Variants in SORCS1 observed in about 807,000 individuals in gnomAD.
SORCS1 encodes VPS10 domain-containing receptor SorCS1.
SORCS1 carries 60 observed loss-of-function variants against 146.1 expected under a neutral mutation model. That is an observed-to-expected ratio of 0.41 (90% confidence interval 0.33 to 0.51). The LOEUF (loss-of-function observed/expected upper bound fraction) is 0.51, where lower values mean the gene tolerates loss of function less well. Among genes scored for constraint, SORCS1 ranks in the 20% least tolerant of loss-of-function variants. The pLI, the probability that SORCS1 is intolerant of heterozygous loss-of-function variation, is 0.21. For missense variants in SORCS1, 1,352 were observed against 1,487.6 expected (o/e 0.91, Z 1.50); for synonymous variants, 637 against 584.0 (o/e 1.09, Z -1.31).
intron 6 of SORCS1, among the ~76,000 whole-genome samples, chr10:106,725,990 C>T (rs1331713324): frequency 4.0e-5 from 6 of 151,310 alleles, no homozygotes; most frequent in Admixed American, 2.0e-4. Context: ...ATATGAAATT[C>T]GTAGTGCAGC....
intron 1 of SORCS1, among the ~76,000 whole-genome samples, chr10:107,086,483 T>C (rs1211368196): frequency 6.6e-6 from 1 of 152,254 alleles, no homozygotes; most frequent in Non-Finnish European, 1.5e-5. Context: ...ATAAATAATA[T>C]GGCATGTTGG....
At chr10:106,770,330 T>C (rs1415458569) in intron 4 of SORCS1, among the ~76,000 whole-genome samples, 1 of 152,152 alleles carries the variant, frequency 6.6e-6, no homozygotes, top group Admixed American at 6.5e-5. Flanking sequence ...CTTGGACTCA[T>C]AGAGCTCCAA....
intron 1 of SORCS1, among the ~76,000 whole-genome samples, chr10:107,003,042 G>A (rs59102965): frequency 0.049 from 7,411 of 152,142 alleles, 591 homozygotes; most frequent in African/African-American, 0.16. Context: ...GATCACCTGC[G>A]GTCAGGAGGT....
intron 3 of SORCS1, among the ~76,000 whole-genome samples, chr10:106,819,495 C>T (rs144451598): frequency 1.3e-3 from 201 of 152,228 alleles, no homozygotes; most frequent in African/African-American, 4.6e-3. Flanking sequence ...AGTTGGTATA[C>T]GTGACGAGTG....
intron 2 of SORCS1, among the ~76,000 whole-genome samples, chr10:106,882,997 C>T (rs1051697622): frequency 2.0e-5 from 3 of 152,148 alleles, no homozygotes; most frequent in South Asian, 2.1e-4. Flanking sequence ...TATAACATTT[C>T]GACTACAAAA....
chr10:106,821,059 G>T (rs1284752996), intron 3 of SORCS1, among the ~76,000 whole-genome samples: 1 of 152,182 alleles, frequency 6.6e-6, no homozygotes, highest in Non-Finnish European at 1.5e-5. Context: ...TGTTCTCAAA[G>T]AAGATTGCGC....
intron 1 of SORCS1, among the ~76,000 whole-genome samples, chr10:107,078,051 TAGGTGAGTAAAG>T (rs1408304722): frequency 9.9e-5 from 15 of 152,160 alleles, no homozygotes; most frequent in African/African-American, 3.1e-4. Flanking sequence ...TATAAAGTGT[TAGGTGAGTAAAG>T]AGAAATTAGA....
intron 1 of SORCS1, among the ~76,000 whole-genome samples, chr10:107,072,092 C>T (rs911850165): frequency 2.0e-5 from 3 of 152,202 alleles, no homozygotes; most frequent in Non-Finnish European, 4.4e-5. Context: ...AGAACTCCTG[C>T]TGCCCAAGTG....
chr10:106,656,765 C>A (rs975840219), intron 17 of SORCS1, among the ~76,000 whole-genome samples: 1 of 151,714 alleles, frequency 6.6e-6, no homozygotes. Context: ...ATCTCAACCC[C>A]GTCTACCCTT....
intron 3 of SORCS1, among the ~76,000 whole-genome samples, chr10:106,807,332 GA>G (rs1337362131): frequency 6.6e-6 from 1 of 152,074 alleles, no homozygotes; most frequent in Non-Finnish European, 1.5e-5. Flanking sequence ...TGTCTTTTTT[GA>G]AACTTGAAAC....
At chr10:106,958,431 C>T (rs1357950805) in intron 1 of SORCS1, among the ~76,000 whole-genome samples, 1 of 152,174 alleles carries the variant, frequency 6.6e-6, no homozygotes, top group Non-Finnish European at 1.5e-5. Context: ...AATGCTGAGT[C>T]CAAGTTCCAC....
rs540071382 is a variant in SORCS1, at chr10:107,138,543, G to C, written c.558+25426C>G. Among the ~76,000 whole-genome samples, 11 of 152,138 alleles carry C rather than the reference G, an allele frequency of 7.2e-5. No individual in the cohort carries two copies. The East Asian group carries it at 2.1e-3, about 29-fold the overall frequency. ...CTCATCAATCTTTTACCCATTCTTC[G>C]TCTAAGATAGGCAGACAGAGACATC... On this transcript the variant is annotated intron_variant, in intron 1 of 25. Coordinates refer to ENST00000263054, the MANE Select transcript of SORCS1 (RefSeq NM_052918.5).
intron 1 of SORCS1, among the ~76,000 whole-genome samples, chr10:107,037,854 A>G (rs914142894): frequency 6.6e-6 from 1 of 151,978 alleles, no homozygotes; most frequent in Non-Finnish European, 1.5e-5. Context: ...TGAAACTAGG[A>G]CTCACTCTGT....
chr10:107,003,593 A>G (rs967353297), intron 1 of SORCS1, among the ~76,000 whole-genome samples: 4 of 152,144 alleles, frequency 2.6e-5, no homozygotes, highest in African/African-American at 9.7e-5. Context: ...TTTCAGATCT[A>G]AAAATCTAGC....
chr10:106,862,753 GGC>G lies in SORCS1; in HGVS notation c.627-33082_627-33081del, dbSNP rs1950066170. On this transcript the variant is annotated intron_variant, in intron 2 of 25. Transcript: ENST00000263054. The stretch of plus-strand genomic sequence containing the variant: ...GAGGTCAGGAGATCAAGACCATCCT[GGC>G]TAACACGGTGAAACCCTGTCTCTAC... 3.9e-5 allele frequency among the ~76,000 whole-genome samples: 5 copies of G among 128,244 alleles called. No individual in the cohort carries two copies. The South Asian group carries it at 1.2e-3, about 31-fold the overall frequency. The allele number at this position is 128,244 out of a possible 152,430, so 84.1% of individuals were successfully genotyped here.
At chr10:107,110,933 A>T (rs2134453057) in intron 1 of SORCS1, among the ~76,000 whole-genome samples, 1 of 152,274 alleles carries the variant, frequency 6.6e-6, no homozygotes, top group South Asian at 2.1e-4. Flanking sequence ...GAGGTCAGAC[A>T]AAAGCCATGC....
chr10:106,776,501 C>T (rs1267975121), intron 4 of SORCS1, 33 bp downstream of exon 4: 2 of 1,610,014 alleles, frequency 1.2e-6, no homozygotes, highest in East Asian at 4.5e-5. Context: ...GAGAACCATG[C>T]TTCATTGTCT....
At chr10:107,167,563 T>A (rs139536657), upstream of SORCS1, among the ~76,000 whole-genome samples, 1 of 152,220 alleles carries the variant, frequency 6.6e-6, no homozygotes, top group Non-Finnish European at 1.5e-5. Flanking sequence ...TACTCCATAA[T>A]TGCACTGTTC....
chr10:107,127,314 C>T (rs1201487270), intron 1 of SORCS1, among the ~76,000 whole-genome samples: 2 of 152,158 alleles, frequency 1.3e-5, no homozygotes, highest in African/African-American at 2.4e-5. Context: ...AGCTCCCTTA[C>T]TTTCAGCACC....
Sources: gnomAD v4.1 joint callset for allele counts (sites outside exome capture counted in the v4.1 genomes callset) on GRCh38, gnomAD v4.1.1 for gene constraint, MANE v1.5 for transcripts, NCBI Gene and HGNC (gene_info 2026-07-23, HGNC 2026-07-21) for gene names.